The following BIRC6 variants were observed in gnomAD, a reference collection of about 807,000 sequenced individuals.
The protein encoded by BIRC6 is baculoviral IAP repeat containing 6.
BIRC6 carries 98 observed loss-of-function variants against 503.3 expected under a neutral mutation model. The ratio of observed to expected loss-of-function variants is 0.19; its 90% CI spans 0.17 to 0.23. The LOEUF (loss-of-function observed/expected upper bound fraction) is 0.23, where lower values mean the gene tolerates loss of function less well. Ranked by LOEUF, BIRC6 falls within the 10% of genes least tolerant of loss-of-function variation. The pLI is 1.00. For synonymous variants in BIRC6, 2,240 were observed against 2,078.7 expected (o/e 1.08, Z -2.11); for missense variants, 5,360 against 5,806.0 (o/e 0.92, Z 2.50).
At chr2:32,529,904 A>G in intron 60 of BIRC6, 80 bp downstream of exon 60, 1 of 945,200 alleles carries the variant, frequency 1.1e-6, no homozygotes, top group Non-Finnish European at 1.4e-6. Context: ...GACTTAATTG[A>G]CTTGTGTTTT....
chr2:32,403,841 T>A (rs918793879), intron 8 of BIRC6, among the ~76,000 whole-genome samples: 1 of 152,004 alleles, frequency 6.6e-6, no homozygotes, highest in Non-Finnish European at 1.5e-5. Flanking sequence ...GGAGTGGAAA[T>A]TGATGAAATA....
chr2:32,613,391 A>G (rs1260068820), intron 73 of BIRC6, among the ~76,000 whole-genome samples: 1 of 150,904 alleles, frequency 6.6e-6, no homozygotes, highest in Non-Finnish European at 1.5e-5. Context: ...TTATTTATTT[A>G]TTTATTTTAG....
chr2:32,438,154 A>G (rs1472956060), intron 15 of BIRC6, among the ~76,000 whole-genome samples: 1 of 152,172 alleles, frequency 6.6e-6, no homozygotes, highest in East Asian at 1.9e-4. Context: ...GAAAGTATTA[A>G]TTTTCTTAGA....
rs965507720 is a variant in BIRC6 at position 32,416,178 on chromosome 2, T to G, written c.2872+15T>G. On this transcript the variant is annotated intron_variant, in intron 10 of 73. Coordinates refer to ENST00000421745, the MANE Select transcript of BIRC6 (RefSeq NM_016252.4). ...ATGCACCAAAGGTAAGTTGTCTGATTATGCTATAAATCTTATAAAATCCAT... is the reference window on the plus strand; with the variant it reads ...ATGCACCAAAGGTAAGTTGTCTGATGATGCTATAAATCTTATAAAATCCAT... The G allele has an allele frequency of 1.9e-6, 3 of 1,562,090 alleles. No homozygotes were observed. Among genetic ancestry groups the G allele is most frequent in the Non-Finnish European group, 2.6e-6 (3 of 1,155,588 alleles).
At chr2:32,572,818 C>G (rs1019479342) in intron 65 of BIRC6, among the ~76,000 whole-genome samples, 1 of 152,200 alleles carries the variant, frequency 6.6e-6, no homozygotes, top group South Asian at 2.1e-4. Context: ...ATGACCTTCT[C>G]TTCCATCACT....
chr2:32,610,906 C>T (rs889250492), intron 72 of BIRC6, among the ~76,000 whole-genome samples: 1 of 151,676 alleles, frequency 6.6e-6, no homozygotes, highest in Non-Finnish European at 1.5e-5. Flanking sequence ...GTAGCTGGCA[C>T]TACAGGTGCC....
chr2:32,515,941 G>A (rs895786152), intron 55 of BIRC6, among the ~76,000 whole-genome samples, 171 bp downstream of exon 55: 10 of 152,100 alleles, frequency 6.6e-5, no homozygotes, highest in African/African-American at 2.2e-4. Flanking sequence ...GCTGTCACTG[G>A]AATCACTTAT....
At chr2:32,428,908 CTAGA>C (rs1226906168) in intron 10 of BIRC6, among the ~76,000 whole-genome samples, 2 of 152,022 alleles carry the variant, frequency 1.3e-5, no homozygotes, top group Non-Finnish European at 2.9e-5. Flanking sequence ...AAAGTAAATA[CTAGA>C]TAAATACCTG....
rs138456022 is a variant in BIRC6 at position 32,535,924 on chromosome 2, G to A, written c.12291+4373G>A. Among the ~76,000 whole-genome samples, 1,259 of 152,202 alleles carry A rather than the reference G, an allele frequency of 8.3e-3. 13 individuals carry two copies. The highest frequency in any genetic ancestry group is 0.017 in the Middle Eastern group (5 of 294). ...TGAACTAGTTTACAGTCCCACCAAC[G>A]GTGTAAAAGTGTTCCTATTTCTCCA... On this transcript the variant is annotated intron_variant, in intron 61 of 73. Transcript: ENST00000421745.
At chr2:32,440,855 T>C (rs573008787) in intron 16 of BIRC6, among the ~76,000 whole-genome samples, 60 of 152,044 alleles carry the variant, frequency 3.9e-4, no homozygotes, top group African/African-American at 1.4e-3. Flanking sequence ...CTCCACCCAC[T>C]GAGTTCAAGT....
Position 32,467,886 on chromosome 2 carries a change from A to G in BIRC6, c.5572-17A>G, listed in dbSNP as rs2048727020. 6.3e-7 allele frequency: 1 copy of G among 1,586,754 alleles called. No individual in the cohort carries two copies. Among genetic ancestry groups the G allele is most frequent in the Non-Finnish European group, 8.6e-7 (1 of 1,162,914 alleles). On this transcript the variant is annotated splice_polypyrimidine_tract_variant and intron_variant, in intron 27 of 73. Coordinates refer to ENST00000421745, the MANE Select transcript of BIRC6 (RefSeq NM_016252.4). ...GGCAGATGTGTATATATGTATATTT[A>G]TAATTTTTCATTTCAGATCACTGTT...
chr2:32,376,914 TA>T (rs975139917), intron 1 of BIRC6, among the ~76,000 whole-genome samples: 2 of 152,178 alleles, frequency 1.3e-5, no homozygotes, highest in African/African-American at 4.8e-5. Flanking sequence ...GTACCATACT[TA>T]CCTGTTTTTG....
At chr2:32,486,011 T>C (rs975817928) in intron 40 of BIRC6, among the ~76,000 whole-genome samples, 1 of 152,172 alleles carries the variant, frequency 6.6e-6, no homozygotes, top group African/African-American at 2.4e-5. Context: ...TCCATTGTGT[T>C]TTGTTTACTG....
chr2:32,463,098 C>G, intron 23 of BIRC6, 96 bp from the exon 24 acceptor site: 1 of 1,009,050 alleles, frequency 9.9e-7, no homozygotes, highest in South Asian at 1.9e-5. Flanking sequence ...GTTTTAGCAT[C>G]ATAATAGTGC....
chr2:32,461,601 TTA>T (rs1558792555), intron 23 of BIRC6, among the ~76,000 whole-genome samples: 2 of 151,680 alleles, frequency 1.3e-5, no homozygotes, highest in African/African-American at 2.4e-5. Flanking sequence ...TTTTTTTTTT[TTA>T]ACATAAGGAA....
chr2:32,401,901 T>C (rs1030959761), intron 8 of BIRC6, among the ~76,000 whole-genome samples: 3 of 152,206 alleles, frequency 2.0e-5, no homozygotes, highest in African/African-American at 4.8e-5. Context: ...AAAGTCAACA[T>C]TGGAAAGTCT....
intron 1 of BIRC6, among the ~76,000 whole-genome samples, chr2:32,374,423 G>A (rs578153575): frequency 4.6e-5 from 7 of 151,680 alleles, no homozygotes; most frequent in African/African-American, 1.4e-4. Flanking sequence ...CTCAGTGTCC[G>A]AGTAGCTAGA....
At chr2:32,430,530 G>C (rs1441483969) in intron 11 of BIRC6, among the ~76,000 whole-genome samples, 2 of 152,054 alleles carry the variant, frequency 1.3e-5, no homozygotes, top group East Asian at 3.9e-4. Context: ...ACATTGGCTT[G>C]CACTTTAGTA....
At chr2:32,480,891 C>T (rs954641779) in intron 37 of BIRC6, among the ~76,000 whole-genome samples, 4 of 151,974 alleles carry the variant, frequency 2.6e-5, no homozygotes, top group Admixed American at 1.3e-4. Context: ...CTACCTGCCT[C>T]GGCCTCCCAA....
Sources: gnomAD v4.1 joint callset for allele counts (sites outside exome capture counted in the v4.1 genomes callset) on GRCh38, gnomAD v4.1.1 for gene constraint, MANE v1.5 for transcripts, NCBI Gene and HGNC (gene_info 2026-07-23, HGNC 2026-07-21) for gene names.